The following CPZ variants were observed in gnomAD, a reference collection of about 807,000 sequenced individuals.
CPZ encodes VEZT/CPZ fusion.
CPZ carries 103 observed loss-of-function variants against 61.8 expected under a neutral mutation model. The ratio of observed to expected loss-of-function variants is 1.67; its 90% CI spans 1.42 to 1.96. CPZ has a LOEUF of 1.96. CPZ is among the 30% of genes most tolerant of loss of function. The pLI, the probability that CPZ is intolerant of heterozygous loss-of-function variation, is 0.00. For synonymous variants in CPZ, 551 were observed against 373.7 expected (o/e 1.47, Z -5.47); for missense variants, 1,461 against 914.9 (o/e 1.60, Z -7.70).
At chr4:8,612,205 G>C in intron 8 of CPZ, 43 bp downstream of exon 8, 4 of 202,854 alleles carry the variant, frequency 2.0e-5, no homozygotes, top group Non-Finnish European at 3.8e-5. Context: ...GGTGGGGGGT[G>C]CAGGGGCTGG....
intron 10 of CPZ, 93 bp from the exon 11 acceptor site, chr4:8,619,169 T>A: frequency 8.7e-7 from 1 of 1,148,396 alleles, no homozygotes; most frequent in East Asian, 2.6e-5. Flanking sequence ...CTGCCTCCCA[T>A]GCTAACCTCT....
Position 8,614,501 on chromosome 4 carries a change from G to T in CPZ, c.1503+3G>T. 6.2e-7 allele frequency: 1 copy of T among 1,612,836 alleles called. No homozygotes were observed. On this transcript the variant is annotated splice_donor_region_variant and intron_variant, in intron 9 of 10. Coordinates refer to ENST00000360986, the MANE Select transcript of CPZ (RefSeq NM_001014447.3). ...CACTCCTGAATTTCGTGGAGACGGT[G>T]AGTTCTGACGGTCTCAGGGCTCTGG...
At position 8,605,634 on chromosome 4, in the gene CPZ, T is replaced by TCCACCC. The variant is rs1553876826; in HGVS notation, c.710-355_710-354insCCACCC. On this transcript the variant is annotated intron_variant, in intron 4 of 10. Transcript: ENST00000360986. ...TCCATCCATCCATCCATCATTGATA[T>TCCACCC]ATCCATTCATCCACTCAAGGGCCAA... 5.9e-3 allele frequency among the ~76,000 whole-genome samples: 877 copies of TCCACCC among 148,636 alleles called. 10 individuals are homozygous for TCCACCC. The highest frequency in any genetic ancestry group is 0.019 in the African/African-American group (741 of 38,782).
chr4:8,613,133 C>CTTTTTT (rs36005113), intron 8 of CPZ, among the ~76,000 whole-genome samples: 4 of 134,712 alleles, frequency 3.0e-5, no homozygotes, highest in Admixed American at 7.4e-5. Flanking sequence ...CTCTCTGTTC[C>CTTTTTT]TTTTTTTTTT....
chr4:8,594,225 C>T (rs531967343), intron 1 of CPZ, among the ~76,000 whole-genome samples: 148 of 152,160 alleles, frequency 9.7e-4, no homozygotes, highest in Non-Finnish European at 1.7e-3. Flanking sequence ...CTCTTATGGA[C>T]GAGTGTGGAA....
intron 8 of CPZ, 76 bp from the exon 9 acceptor site, chr4:8,614,283 C>T (rs370989959): frequency 2.7e-5 from 41 of 1,496,000 alleles, no homozygotes; most frequent in South Asian, 7.6e-5. Context: ...TGTCTCTGTG[C>T]GGCTGACACC....
rs566126418 is a variant in CPZ, at chr4:8,619,441, C to A, written c.1783C>A (p.Leu595Met). The change falls in exon 11 of 11, where the codon CTG becomes ATG. Residue 595 changes from leucine to methionine, a missense_variant. Transcript: ENST00000360986. ...GGGACCCAAGAACTTTATTCATGGG[C>A]TGCGGAGGACTGGGCCCCACGACCC... ...GMGPKNFIHG[L>M]RRTGPHDPLG... is the part of the protein sequence containing the mutation. The A allele has an allele frequency of 6.2e-7, 1 of 1,613,534 alleles. No homozygotes were observed. The highest frequency in any genetic ancestry group is 1.3e-5 in the African/African-American group (1 of 75,052).
At chr4:8,609,148 C>CTCATTAACTCAGCCATTCACT (rs1715358743) in intron 7 of CPZ, among the ~76,000 whole-genome samples, 2 of 116,720 alleles carry the variant, frequency 1.7e-5, no homozygotes, top group African/African-American at 6.4e-5. Context: ...ACTCATTCAC[C>CTCATTAACTCAGCCATTCACT]CACTCCCTCA....
At position 8,618,470 on chromosome 4, in the gene CPZ, C is replaced by T; in HGVS notation, c.1545C>T (p.Gly515=). 1 of 1,613,702 alleles carries T rather than the reference C, an allele frequency of 6.2e-7. No homozygotes were observed. Among genetic ancestry groups the T allele is most frequent in the Non-Finnish European group, 8.5e-7 (1 of 1,179,800 alleles). ...GIKGVVTDKF[G]KPVKNARISV... ...AAGGTGTGGTGACAGATAAATTCGG[C>T]AAGCCAGTCAAAAACGCCCGGATCT... is the stretch of plus-strand genomic sequence containing the variant. Residue 515 remains glycine, a synonymous_variant, in exon 10 of 11, where the codon GGC becomes GGT. Coordinates refer to ENST00000360986, the MANE Select transcript of CPZ (RefSeq NM_001014447.3).
In CPZ at chr4:8,612,151, G is replaced by A; in HGVS notation, c.1352G>A (p.Ser451Asn). The A allele has an allele frequency of 6.7e-7, 1 of 1,490,710 alleles. No individual in the cohort carries two copies. The highest frequency in any genetic ancestry group is 9.0e-7 in the Non-Finnish European group (1 of 1,113,842). The allele number at this position is 1,490,710 out of a possible 1,614,324, so 92.3% of individuals were successfully genotyped here. The change falls in exon 8 of 11, where the codon AGC (serine) becomes AAC (asparagine). Residue 451 changes from serine (S) to asparagine (N), a missense_variant. Coordinates refer to ENST00000360986, the MANE Select transcript of CPZ (RefSeq NM_001014447.3). The stretch of plus-strand genomic sequence containing the variant: ...ATCATCAACGGGGCGGACTGGTACA[G>A]CTTCACGGGAGGTGCGGCTTCCGCA... ...GSIINGADWYSFTGGMSDFNY... is the reference protein window; with the variant it reads ...GSIINGADWYNFTGGMSDFNY...
rs919789297 is a variant in CPZ at position 8,618,584 on chromosome 4, C to T, written c.1603+56C>T. 4.0e-6 allele frequency: 6 copies of T among 1,516,934 alleles called. No individual in the cohort carries two copies. The African/African-American group carries it at 6.8e-5, about 17-fold the overall frequency. 94.0% of individuals were successfully genotyped at this position (1,516,934 alleles called of 1,614,324 possible). Reference sequence around the variant, plus strand: ...CCACGTCTGCCAAGGAAATGCCACACCGTGGCAGCCGGCACCCTCAGGCAC... The same window carrying T: ...CCACGTCTGCCAAGGAAATGCCACATCGTGGCAGCCGGCACCCTCAGGCAC... On this transcript the variant is annotated intron_variant, in intron 10 of 10. Transcript: ENST00000360986.
intron 1 of CPZ, among the ~76,000 whole-genome samples, chr4:8,595,606 G>A (rs1386004629): frequency 2.0e-5 from 3 of 152,244 alleles, no homozygotes; most frequent in Non-Finnish European, 4.4e-5. Context: ...CAGCCCCCGA[G>A]GGCTCCTCCC....
chr4:8,597,719 C>T (rs564817187), intron 1 of CPZ: 1 of 152,360 alleles, frequency 6.6e-6, no homozygotes, highest in African/African-American at 2.4e-5. Flanking sequence ...CAGCTTGTCT[C>T]CGGGTTGTTC....
At chr4:8,600,698 C>T (rs1242988477) in intron 2 of CPZ, among the ~76,000 whole-genome samples, 1 of 152,242 alleles carries the variant, frequency 6.6e-6, no homozygotes, top group Non-Finnish European at 1.5e-5. Flanking sequence ...CCAACTGACC[C>T]ATTAGGGTCC....
In CPZ at chr4:8,619,440, G is replaced by T. The variant is rs9342; in HGVS notation, c.1782G>T (p.Gly594=). The T allele has an allele frequency of 2.5e-6, 4 of 1,613,578 alleles. No homozygotes were observed. Among genetic ancestry groups the T allele is most frequent in the Non-Finnish European group, 3.4e-6 (4 of 1,179,808 alleles). The change falls in exon 11 of 11, where the codon GGG becomes GGT. Residue 594 remains glycine, a synonymous_variant. Transcript: ENST00000360986. ...TGGGACCCAAGAACTTTATTCATGG[G>T]CTGCGGAGGACTGGGCCCCACGACC... ...LGMGPKNFIH[G]LRRTGPHDPL... is the part of the protein sequence containing the mutation.
At chr4:8,596,322 T>C (rs1392702426) in intron 1 of CPZ, among the ~76,000 whole-genome samples, 1 of 152,210 alleles carries the variant, frequency 6.6e-6, no homozygotes, top group Non-Finnish European at 1.5e-5. Context: ...AGTGCTGGGA[T>C]TACAGGTGTG....
intron 5 of CPZ, 37 bp from the exon 6 acceptor site, chr4:8,606,700 C>T (rs1715039943): frequency 2.5e-6 from 4 of 1,613,142 alleles, no homozygotes; most frequent in Non-Finnish European, 3.4e-6. Context: ...GTGGGGTGTG[C>T]TGACCCCACC....
intron 4 of CPZ, among the ~76,000 whole-genome samples, chr4:8,604,796 T>C (rs967914534): frequency 6.6e-6 from 1 of 152,264 alleles, no homozygotes; most frequent in African/African-American, 2.4e-5. Flanking sequence ...CCCTTGGTCA[T>C]CACCAGTTAC....
rs564247900 is a variant in CPZ at position 8,608,954 on chromosome 4, C to T, written c.1227+1529C>T. 2.9e-4 allele frequency among the ~76,000 whole-genome samples: 41 copies of T among 143,852 alleles called. No individual in the cohort carries two copies. In the South Asian group the frequency reaches 8.8e-3, roughly 31 times the overall value. 94.4% of individuals were successfully genotyped at this position (143,852 alleles called of 152,430 possible). ...GTGACAGCAACACCTGGGCCACCGG[C>T]GCATTTGTCCTGCATTTGTTCATTC... is the stretch of plus-strand genomic sequence containing the variant. On this transcript the variant is annotated intron_variant, in intron 7 of 10. Coordinates refer to ENST00000360986, the MANE Select transcript of CPZ (RefSeq NM_001014447.3).
Sources: allele counts gnomAD v4.1 joint callset (sites outside exome capture counted in the v4.1 genomes callset), GRCh38; gene constraint gnomAD v4.1.1; transcripts MANE v1.5; gene names NCBI Gene and HGNC (gene_info 2026-07-23, HGNC 2026-07-21).